The following CLSPN variants were observed in gnomAD, a reference collection of about 807,000 sequenced individuals.
CLSPN encodes claspin homolog.
A neutral mutation model predicts 156.3 loss-of-function variants in CLSPN; 85 were observed. The ratio of observed to expected loss-of-function variants is 0.54; its 90% CI spans 0.46 to 0.65. CLSPN has a LOEUF of 0.65. Ranked by LOEUF, CLSPN falls within the 30% of genes least tolerant of loss-of-function variation. The probability of loss-of-function intolerance (pLI) is 0.00; values close to 1 mark genes in which losing one functional copy is unlikely to be tolerated. For missense variants in CLSPN, 1,407 were observed against 1,554.9 expected, an observed-to-expected ratio of 0.90 and a Z score of 1.60; for synonymous variants, 534 against 542.4, an observed-to-expected ratio of 0.98 and a Z score of 0.22.
intron 1 of CLSPN, among the ~76,000 whole-genome samples, chr1:35,769,608 A>G (rs1027174131): frequency 3.3e-5 from 5 of 152,184 alleles, no homozygotes; most frequent in African/African-American, 1.2e-4. Context: ...CGCGCCGCAG[A>G]GACCTGGAGC....
intron 9 of CLSPN, among the ~76,000 whole-genome samples, chr1:35,753,238 C>G (rs1642152799): frequency 6.6e-6 from 1 of 152,064 alleles, no homozygotes; most frequent in African/African-American, 2.4e-5. Context: ...GCCACAGGTG[C>G]AGGCCACCAT....
intron 1 of CLSPN, among the ~76,000 whole-genome samples, chr1:35,768,579 ATTT>A (rs11461895): frequency 9.0e-5 from 13 of 145,134 alleles, no homozygotes; most frequent in African/African-American, 3.3e-4. Flanking sequence ...CGCCCGGCTA[ATTT>A]TTTTTTTTTT....
chr1:35,764,821 A>C, intron 2 of CLSPN, 107 bp from the exon 3 acceptor site: 1 of 680,722 alleles, frequency 1.5e-6, no homozygotes, highest in East Asian at 2.9e-5. Flanking sequence ...ACATTGTGAA[A>C]TTACGTGACT....
intron 18 of CLSPN, among the ~76,000 whole-genome samples, chr1:35,740,056 A>G (rs1641639612): frequency 6.6e-6 from 1 of 152,264 alleles, no homozygotes; most frequent in Non-Finnish European, 1.5e-5. Context: ...TTTGAAAGCC[A>G]GAAAACTCTT....
intron 9 of CLSPN, among the ~76,000 whole-genome samples, chr1:35,753,373 G>A (rs973771774): frequency 3.6e-5 from 5 of 140,380 alleles, no homozygotes; most frequent in Admixed American, 1.5e-4. Flanking sequence ...TTACAGGCAT[G>A]TGCCACTGCA....
chr1:35,769,669 G>C (rs1041188853), intron 1 of CLSPN, among the ~76,000 whole-genome samples, 178 bp downstream of exon 1: 5 of 152,182 alleles, frequency 3.3e-5, no homozygotes, highest in African/African-American at 9.7e-5. Context: ...GGGACGGGAT[G>C]CCCGGTCGGA....
chr1:35,753,662 T>G, intron 9 of CLSPN, 83 bp downstream of exon 9: 26 of 1,323,116 alleles, frequency 2.0e-5, no homozygotes, highest in Non-Finnish European at 2.8e-5. Flanking sequence ...CTATAACTTT[T>G]CATTATAAGG....
rs528407868 is a variant in CLSPN, at chr1:35,754,575, G to A, written c.1580-639C>T. On this transcript the variant is annotated intron_variant, in intron 8 of 24. Transcript: ENST00000318121. ...TTAGCCAGGCTGGTCTCGAACTCCT[G>A]ACCTCAAATGATCAGCCCACCTTGG... 3.3e-5 allele frequency among the ~76,000 whole-genome samples: 5 copies of A among 152,234 alleles called. No individual in the cohort carries two copies. In the South Asian group the frequency reaches 1.0e-3, roughly 32 times the overall value.
At chr1:35,759,233 C>T (rs941868771) in intron 8 of CLSPN, among the ~76,000 whole-genome samples, 1 of 152,158 alleles carries the variant, frequency 6.6e-6, no homozygotes, top group Admixed American at 6.5e-5. Flanking sequence ...GAGTAGGGAA[C>T]AAGGCAGAAG....
At chr1:35,757,850 T>C (rs569616369) in intron 8 of CLSPN, among the ~76,000 whole-genome samples, 3 of 152,348 alleles carry the variant, frequency 2.0e-5, no homozygotes, top group South Asian at 2.1e-4. Flanking sequence ...CGCACCACCA[T>C]GCAGAGTTCT....
intron 1 of CLSPN, 131 bp from the exon 2 acceptor site, chr1:35,765,457 G>A (rs1463150352): frequency 1.7e-6 from 1 of 583,204 alleles, no homozygotes; most frequent in Non-Finnish European, 3.0e-6. Flanking sequence ...GTTCCTTGAA[G>A]GGATGACATT....
At position 35,733,560 on chromosome 1, in the gene CLSPN, C is replaced by T; in HGVS notation, c.*2936G>A. 1 of 985,306 alleles carries T rather than the reference C, an allele frequency of 1.0e-6. No individual in the cohort carries two copies. The highest frequency in any genetic ancestry group is 1.2e-6 in the Non-Finnish European group (1 of 829,910). 61.0% of individuals were successfully genotyped at this position (985,306 alleles called of 1,614,324 possible). On this transcript the variant is annotated 3_prime_UTR_variant, in exon 25 of 25. Transcript: ENST00000318121. ...AGCCTTCCTGCTCAGTTCTCTTTTG[C>T]CCAGCAAGGGCTACTTTGCCTTGGG...
intron 16 of CLSPN, among the ~76,000 whole-genome samples, chr1:35,744,365 A>G (rs1243281403): frequency 6.6e-6 from 1 of 152,190 alleles, no homozygotes; most frequent in Non-Finnish European, 1.5e-5. Context: ...GCAGTGGCAC[A>G]ATCATGGCTC....
At chr1:35,740,818 T>A (rs1370582513) in intron 18 of CLSPN, among the ~76,000 whole-genome samples, 1 of 152,228 alleles carries the variant, frequency 6.6e-6, no homozygotes, top group African/African-American at 2.4e-5. Flanking sequence ...ACTTCCCACT[T>A]ACCATCTTTG....
chr1:35,746,171 C>CCTGA lies in CLSPN; in HGVS notation c.2854+591_2854+594dup, dbSNP rs1172965019. Among the ~76,000 whole-genome samples, 1 of 151,888 alleles carries CCTGA rather than the reference C, an allele frequency of 6.6e-6. No homozygotes were observed. Among genetic ancestry groups the CCTGA allele is most frequent in the Non-Finnish European group, 1.5e-5 (1 of 67,980 alleles). ...GTGCTGCCCAGGCTGGTGGCGAACT[C>CCTGA]CTGAGCTCAGGAAATCCCCCGCCTT... On this transcript the variant is annotated intron_variant, in intron 15 of 24. Coordinates refer to ENST00000318121, the MANE Select transcript of CLSPN (RefSeq NM_022111.4). This position sits in a 1 kb window ranked among gnomAD's most constrained non-coding sequence, Gnocchi z 4.2.
At chr1:35,721,161 A>G (rs1436472035) in intron 24 of CLSPN, among the ~76,000 whole-genome samples, 1 of 152,206 alleles carries the variant, frequency 6.6e-6, no homozygotes, top group Non-Finnish European at 1.5e-5. Context: ...TTACTACAAT[A>G]GCACAAGGTG....
chr1:35,739,750 G>C (rs999773949), intron 18 of CLSPN, among the ~76,000 whole-genome samples: 1 of 152,102 alleles, frequency 6.6e-6, no homozygotes, highest in African/African-American at 2.4e-5. Flanking sequence ...TATGCTTCTC[G>C]ATTTACGATG....
Position 35,750,328 on chromosome 1 carries a change from C to A in CLSPN, c.2029-517G>T, listed in dbSNP as rs1019283070. ...CTGGTCAACATAGTGAGACCCTCAT[C>A]TCAAAAAAATTTAAATAAATAAATA... On this transcript the variant is annotated intron_variant, in intron 10 of 24. Transcript: ENST00000318121. Among the ~76,000 whole-genome samples the A allele has an allele frequency of 2.0e-5, 3 of 150,756 alleles. No individual in the cohort carries two copies. In the South Asian group the frequency reaches 6.3e-4, roughly 31 times the overall value.
chr1:35,738,002 C>T lies in CLSPN; in HGVS notation c.3654G>A (p.Leu1218=). ...GAAACAAGAGCTCACCATTCTTCTG[C>T]AGTGCTTTGGCTGTAACTTTCTTGG... The part of the protein sequence containing the change: ...ILAKKVTAKA[L]QKNASRPMVI... Residue 1218 remains leucine (L), a synonymous_variant, in exon 22 of 25, where the codon CTG becomes CTA. Transcript: ENST00000318121. 1 of 1,479,736 alleles carries T rather than the reference C, an allele frequency of 6.8e-7. No homozygotes were observed. The highest frequency in any genetic ancestry group is 1.5e-5 in the South Asian group (1 of 65,910). 91.7% of individuals were successfully genotyped at this position (1,479,736 alleles called of 1,614,324 possible). A position where few individuals can be genotyped will look rare whatever the true frequency, so the allele number is the denominator to read the frequency against.
Sources: gnomAD v4.1 joint callset for allele counts (sites outside exome capture counted in the v4.1 genomes callset) on GRCh38, gnomAD v4.1.1 for gene constraint, Gnocchi (gnomAD v3.1) non-coding constraint, MANE v1.5 for transcripts, NCBI Gene and HGNC (gene_info 2026-07-23, HGNC 2026-07-21) for gene names.